The following SP100 variants were observed in gnomAD, a reference collection of about 807,000 sequenced individuals.
The protein encoded by SP100 is SP100 nuclear body protein.
A neutral mutation model predicts 130.0 loss-of-function variants in SP100; 84 were observed. The observed-to-expected ratio is 0.65, with a 90% CI of 0.54 to 0.77. The LOEUF is 0.77. Ranked by LOEUF, SP100 falls within the 30% of genes least tolerant of loss-of-function variation. The pLI, the probability that SP100 is intolerant of heterozygous loss-of-function variation, is 0.00. For missense variants in SP100, 978 were observed against 1,052.2 expected, an observed-to-expected ratio of 0.93 and a Z score of 0.97; for synonymous variants, 331 against 351.7, an observed-to-expected ratio of 0.94 and a Z score of 0.66.
intron 2 of SP100, among the ~76,000 whole-genome samples, chr2:230,439,796 C>T (rs755975561): frequency 5.3e-5 from 8 of 151,942 alleles, no homozygotes; most frequent in Non-Finnish European, 7.4e-5. Context: ...TCCTCTTTAC[C>T]GATTAGGATG....
intron 24 of SP100, among the ~76,000 whole-genome samples, chr2:230,525,916 C>T (rs1041805291): frequency 6.6e-6 from 1 of 152,158 alleles, no homozygotes; most frequent in Non-Finnish European, 1.5e-5. Context: ...ATGAACTGGG[C>T]GGAGCCCACC....
intron 19 of SP100, among the ~76,000 whole-genome samples, chr2:230,500,494 A>G (rs1201689689): frequency 6.6e-6 from 1 of 152,250 alleles, no homozygotes; most frequent in African/African-American, 2.4e-5. Context: ...GAAGGATTTA[A>G]ACAAGAGATA....
chr2:230,466,203 ACTTTGTTATT>A, intron 11 of SP100, 88 bp from the exon 12 acceptor site: 1 of 599,876 alleles, frequency 1.7e-6, no homozygotes, highest in South Asian at 2.2e-5. Flanking sequence ...AAAAAAAAAA[ACTTTGTTATT>A]AACCCAAGCC....
chr2:230,442,542 G>C (rs1290310629), intron 2 of SP100, among the ~76,000 whole-genome samples: 1 of 152,084 alleles, frequency 6.6e-6, no homozygotes, highest in Admixed American at 6.5e-5. Context: ...TCTCTCAGTT[G>C]ATTAAGATGC....
intron 24 of SP100, among the ~76,000 whole-genome samples, chr2:230,536,532 T>C (rs1213387301): frequency 6.6e-6 from 1 of 152,178 alleles, no homozygotes; most frequent in Non-Finnish European, 1.5e-5. Flanking sequence ...CTCACCAGAT[T>C]ACTGTATTTG....
At chr2:230,521,737 C>A (rs916212997) in intron 24 of SP100, among the ~76,000 whole-genome samples, 1 of 152,178 alleles carries the variant, frequency 6.6e-6, no homozygotes, top group South Asian at 2.1e-4. Context: ...GGCCACGAGT[C>A]TCAGAAGCCC....
chr2:230,444,214 C>A lies in SP100; in HGVS notation c.307C>A (p.Gln103Lys), dbSNP rs2063589289. The A allele has an allele frequency of 1.2e-6, 2 of 1,608,906 alleles. No individual in the cohort carries two copies. The highest frequency in any genetic ancestry group is 3.4e-5 in the Admixed American group (2 of 59,018). The change falls in exon 4 of 29, where the codon CAG becomes AAG. Residue 103 changes from glutamine to lysine, a missense_variant. Gln to Lys is a moderately conservative substitution (Grantham distance 53). Coordinates refer to ENST00000340126, the MANE Select transcript of SP100 (RefSeq NM_001080391.2). The part of the protein sequence containing the change: ...QDSCRNLVPV[Q>K]RVVYNVLSEL... ...TTCTTGTAGAAACCTGGTCCCTGTA[C>A]AGAGAGTGGTGTACAATGTTCTTAG...
At chr2:230,477,145 A>G (rs1306707191) in intron 17 of SP100, among the ~76,000 whole-genome samples, 1 of 152,130 alleles carries the variant, frequency 6.6e-6, no homozygotes, top group Non-Finnish European at 1.5e-5. Context: ...GATTACAGGC[A>G]TGAGCTACCA....
chr2:230,475,231 T>A (rs546628526), intron 17 of SP100, among the ~76,000 whole-genome samples: 1 of 152,302 alleles, frequency 6.6e-6, no homozygotes, highest in South Asian at 2.1e-4. Context: ...TAATAGCCAC[T>A]CTGAGTAGTG....
chr2:230,470,425 A>G (rs1025482276), intron 15 of SP100: 1 of 1,004,446 alleles, frequency 1.0e-6, no homozygotes, highest in Non-Finnish European at 1.2e-6. Context: ...ATAGTGATAA[A>G]TGGGTTGACA....
At chr2:230,475,787 A>C (rs1021340916) in intron 17 of SP100, among the ~76,000 whole-genome samples, 1 of 152,160 alleles carries the variant, frequency 6.6e-6, no homozygotes, top group Non-Finnish European at 1.5e-5. Flanking sequence ...CATTTATTGA[A>C]TAGACAGTCC....
intron 17 of SP100, among the ~76,000 whole-genome samples, chr2:230,480,572 G>A (rs1349523255): frequency 2.0e-5 from 3 of 152,204 alleles, no homozygotes; most frequent in African/African-American, 7.2e-5. Context: ...TAGGAGGACT[G>A]TACAGATTGA....
At chr2:230,483,506 T>G (rs2065925719) in intron 17 of SP100, among the ~76,000 whole-genome samples, 1 of 152,220 alleles carries the variant, frequency 6.6e-6, no homozygotes, top group African/African-American at 2.4e-5. Flanking sequence ...GATTCTTAAG[T>G]AAGAGAAGAC....
At chr2:230,532,401 G>C (rs971862323) in intron 24 of SP100, among the ~76,000 whole-genome samples, 5 of 151,836 alleles carry the variant, frequency 3.3e-5, no homozygotes. Flanking sequence ...CTGTGATATA[G>C]GTACAAAGTT....
intron 8 of SP100, among the ~76,000 whole-genome samples, chr2:230,455,855 A>G (rs193070705): frequency 4.3e-4 from 65 of 152,326 alleles, no homozygotes; most frequent in African/African-American, 1.4e-3. Context: ...TTTTAAGCTG[A>G]TAACAACTTA....
chr2:230,454,710 G>A (rs2064180602), intron 8 of SP100, among the ~76,000 whole-genome samples: 1 of 152,122 alleles, frequency 6.6e-6, no homozygotes, highest in Non-Finnish European at 1.5e-5. Flanking sequence ...AACATATGAT[G>A]TATCCTGTAG....
intron 19 of SP100, among the ~76,000 whole-genome samples, chr2:230,500,105 C>A (rs2066933693): frequency 6.6e-6 from 1 of 152,118 alleles, no homozygotes; most frequent in Admixed American, 6.6e-5. Context: ...CGGTGATATA[C>A]TCTTTTGCCA....
chr2:230,525,199 A>C (rs1339694052), intron 24 of SP100, among the ~76,000 whole-genome samples: 5 of 152,198 alleles, frequency 3.3e-5, no homozygotes, highest in Non-Finnish European at 2.9e-5. Context: ...ACAAAACAGA[A>C]AGTTCAACCA....
At chr2:230,419,785 T>C (rs1349607642) in intron 2 of SP100, among the ~76,000 whole-genome samples, 2 of 152,286 alleles carry the variant, frequency 1.3e-5, no homozygotes, top group Non-Finnish European at 2.9e-5. Context: ...CTATCTGCGG[T>C]TTCAAGCATC....
Sources: gnomAD v4.1 joint callset for allele counts (sites outside exome capture counted in the v4.1 genomes callset) on GRCh38, gnomAD v4.1.1 for gene constraint, MANE v1.5 for transcripts, NCBI Gene and HGNC (gene_info 2026-07-23, HGNC 2026-07-21) for gene names.